STOX2: variants seen among roughly 807,000 people sequenced by gnomAD.
STOX2 encodes the protein storkhead-box protein 2.
STOX2 carries 28 observed loss-of-function variants against 60.9 expected under a neutral mutation model. The observed-to-expected ratio is 0.46, with a 90% CI of 0.34 to 0.63. The LOEUF (loss-of-function observed/expected upper bound fraction) is 0.63, where lower values mean the gene tolerates loss of function less well. Ranked by LOEUF, STOX2 falls within the 30% of genes least tolerant of loss-of-function variation. The probability of loss-of-function intolerance (pLI) is 0.01; values close to 1 mark genes in which losing one functional copy is unlikely to be tolerated. For synonymous variants in STOX2, 472 were observed against 463.9 expected, an observed-to-expected ratio of 1.02 and a Z score of -0.22; for missense variants, 1,024 against 1,187.7, an observed-to-expected ratio of 0.86 and a Z score of 2.03.
rs571947805 is a variant in STOX2 at position 183,906,737 on chromosome 4, T to A, written c.-54T>A. On this transcript the variant is annotated 5_prime_UTR_variant, in exon 1 of 4. Transcript: ENST00000308497. ...GCCGTAGACGGATGAAGGAGCGCGC[T>A]GCGCCCCGGCGCTGAGGCCCCGAGG... 174 of 1,447,440 alleles carry A rather than the reference T, an allele frequency of 1.2e-4. 1 individual carries two copies. The African/African-American group carries it at 2.0e-3, about 17-fold the overall frequency. 89.7% of individuals were successfully genotyped at this position (1,447,440 alleles called of 1,614,324 possible).
rs549196640 is a variant in STOX2, at chr4:184,009,356, C to A, written c.518C>A (p.Pro173Gln). 9.9e-6 allele frequency: 16 copies of A among 1,613,932 alleles called. No individual in the cohort carries two copies. The highest frequency in any genetic ancestry group is 2.5e-6 in the Non-Finnish European group (3 of 1,179,866). ...RIPDRSQCTS[P>Q]QPGTITPSAS... ...CCTGACCGGTCTCAGTGCACCTCTC[C>A]GCAACCCGGGACCATCACGCCCTCT... The change falls in exon 3 of 4, where the codon CCG (proline) becomes CAG (glutamine). Residue 173 changes from proline to glutamine, a missense_variant. Physicochemically the swap from Pro to Gln is moderately conservative, Grantham distance 76 (BLOSUM62 -1). This residue lies in a region of STOX2 where 922 missense variants were observed against 1,058.3 expected (regional missense o/e 0.87). Transcript: ENST00000308497. The surrounding 1 kb of genome is among the most constrained non-coding windows in gnomAD (Gnocchi z 4.0).
intron 1 of STOX2, among the ~76,000 whole-genome samples, chr4:183,913,985 C>G (rs755163902): frequency 6.6e-6 from 1 of 152,124 alleles, no homozygotes; most frequent in African/African-American, 2.4e-5. Context: ...GGGTTTCTCT[C>G]GATAATTATA....
chr4:183,832,258 G>A (rs1739587494), intron 1 of STOX2, among the ~76,000 whole-genome samples: 1 of 151,850 alleles, frequency 6.6e-6, no homozygotes, highest in African/African-American at 2.4e-5. Flanking sequence ...CCAAAGTGCT[G>A]GGATTATAGG....
chr4:183,909,529 T>A (rs12647459), intron 1 of STOX2, among the ~76,000 whole-genome samples: 1 of 151,954 alleles, frequency 6.6e-6, no homozygotes, highest in African/African-American at 2.4e-5. Flanking sequence ...AGATAAGCCT[T>A]TCAGAGATGT....
intron 2 of STOX2, among the ~76,000 whole-genome samples, chr4:184,002,863 T>C (rs563774407): frequency 2.4e-4 from 37 of 152,364 alleles, no homozygotes; most frequent in African/African-American, 8.2e-4. Flanking sequence ...CTTCTCCTTG[T>C]GATATTTCTT....
intron 1 of STOX2, among the ~76,000 whole-genome samples, chr4:183,837,149 A>C (rs1418175422): frequency 3.3e-5 from 5 of 152,128 alleles, no homozygotes; most frequent in African/African-American, 1.2e-4. Context: ...TTTCTCGGGG[A>C]GTGGGGAAGA....
intron 1 of STOX2, among the ~76,000 whole-genome samples, chr4:183,970,164 G>GTGTGTA (rs1405882823): frequency 2.0e-5 from 3 of 150,320 alleles, no homozygotes; most frequent in Non-Finnish European, 4.4e-5. Flanking sequence ...GTGTGTGTGT[G>GTGTGTA]TGTGTGTGTG....
intron 3 of STOX2, among the ~76,000 whole-genome samples, chr4:184,012,185 G>A (rs1163714505): frequency 1.3e-5 from 2 of 152,206 alleles, no homozygotes; most frequent in East Asian, 3.9e-4. Context: ...CATGGCCAAA[G>A]CTCTAGAGTT....
At chr4:183,957,570 A>G (rs949197927) in intron 1 of STOX2, among the ~76,000 whole-genome samples, 4 of 152,078 alleles carry the variant, frequency 2.6e-5, no homozygotes, top group Admixed American at 2.6e-4. Context: ...ATTTCTTTTT[A>G]TTCAGTGGGT....
intron 2 of STOX2, among the ~76,000 whole-genome samples, chr4:184,005,683 C>A (rs1353724017): frequency 6.6e-6 from 1 of 152,138 alleles, no homozygotes; most frequent in Non-Finnish European, 1.5e-5. Flanking sequence ...CGTTAAACAT[C>A]CATCACAACC....
chr4:183,963,274 G>A (rs1743463051), intron 1 of STOX2, among the ~76,000 whole-genome samples: 1 of 151,794 alleles, frequency 6.6e-6, no homozygotes, highest in Non-Finnish European at 1.5e-5. Context: ...TATTCTTATG[G>A]GTTTTATTAT....
chr4:183,855,501 A>C (rs990362333), intron 1 of STOX2, among the ~76,000 whole-genome samples: 2 of 152,154 alleles, frequency 1.3e-5, no homozygotes, highest in African/African-American at 4.8e-5. Flanking sequence ...CTTTTCCTGG[A>C]AAGTGTAACT....
chr4:183,951,011 C>G (rs552982202), intron 1 of STOX2, among the ~76,000 whole-genome samples: 40 of 151,844 alleles, frequency 2.6e-4, no homozygotes, highest in African/African-American at 8.5e-4. Flanking sequence ...GTCAGGAGAT[C>G]GAGACCATCC....
chr4:183,940,171 G>T (rs1192445186), intron 1 of STOX2, among the ~76,000 whole-genome samples: 2 of 152,156 alleles, frequency 1.3e-5, no homozygotes, highest in African/African-American at 4.8e-5. Context: ...CCAAAGTGCT[G>T]GGATTACAGG....
At chr4:183,898,863 T>C (rs981297525) in intron 1 of STOX2, among the ~76,000 whole-genome samples, 5 of 152,216 alleles carry the variant, frequency 3.3e-5, no homozygotes, top group Admixed American at 1.3e-4. Context: ...AAAATGTGTT[T>C]ATGGGTACAC....
chr4:183,818,776 C>T (rs962223956), intron 1 of STOX2, among the ~76,000 whole-genome samples: 10 of 149,968 alleles, frequency 6.7e-5, no homozygotes, highest in Admixed American at 5.3e-4. Context: ...GAGACGCTCC[C>T]CACCTCCCAG....
At chr4:183,992,873 A>C (rs752464358) in intron 1 of STOX2, among the ~76,000 whole-genome samples, 1 of 152,248 alleles carries the variant, frequency 6.6e-6, no homozygotes, top group Non-Finnish European at 1.5e-5. Flanking sequence ...GTTTTATTCC[A>C]TGTGCCTAGC....
intron 1 of STOX2, among the ~76,000 whole-genome samples, chr4:183,928,130 C>T (rs1347065385): frequency 3.3e-5 from 5 of 152,136 alleles, no homozygotes; most frequent in Non-Finnish European, 5.9e-5. Context: ...TTTGTGGCAG[C>T]TTTTTTTCCC....
chr4:183,966,565 T>C (rs1743575872), intron 1 of STOX2, among the ~76,000 whole-genome samples: 1 of 152,152 alleles, frequency 6.6e-6, no homozygotes, highest in Non-Finnish European at 1.5e-5. Context: ...GGGGTGGTGA[T>C]GACTCAGGCT....
Sources: allele counts gnomAD v4.1 joint callset (sites outside exome capture counted in the v4.1 genomes callset), GRCh38; gene constraint gnomAD v4.1.1; regional missense constraint gnomAD v4.1.1; non-coding constraint Gnocchi (gnomAD v3.1); transcripts MANE v1.5; gene names NCBI Gene and HGNC (gene_info 2026-07-23, HGNC 2026-07-21).